The following UNC13A variants were observed in gnomAD, a reference collection of about 807,000 sequenced individuals.
UNC13A encodes the protein protein unc-13 homolog A.
UNC13A carries 61 observed loss-of-function variants against 219.7 expected under a neutral mutation model. That is an observed-to-expected ratio of 0.28 (90% confidence interval 0.23 to 0.34). The LOEUF is 0.34. Ranked by LOEUF, UNC13A falls within the 10% of genes least tolerant of loss-of-function variation. UNC13A has a pLI of 1.00. For synonymous variants in UNC13A, 920 were observed against 884.6 expected (o/e 1.04, Z -0.71); for missense variants, 1,476 against 2,270.3 (o/e 0.65, Z 7.11).
chr19:17,611,130 A>G (rs182589522), intron 42 of UNC13A, among the ~76,000 whole-genome samples: 31 of 152,362 alleles, frequency 2.0e-4, no homozygotes, highest in Admixed American at 3.3e-4. Flanking sequence ...CCTCCATATC[A>G]GCTCGAGGCT....
At position 17,630,667 on chromosome 19, in the gene UNC13A, TCTCG is replaced by T. The variant is rs2063549355; in HGVS notation, c.3508_3511del (p.Arg1170ThrfsTer48). 1 of 1,613,830 alleles carries T rather than the reference TCTCG, an allele frequency of 6.2e-7. No homozygotes were observed. Among genetic ancestry groups the T allele is most frequent in the Non-Finnish European group, 8.5e-7 (1 of 1,179,884 alleles). On this transcript the variant is annotated frameshift_variant, in exon 29 of 44. Transcript: ENST00000519716. LOFTEE classifies it high-confidence loss of function. ...GGGCCTTCTTACCCCATCCTTCTTG[TCTCG>T]CTCCAGGGCACCGTGCAGGAAATCC...
chr19:17,655,825 C>T (rs1568530213), intron 10 of UNC13A, 58 bp downstream of exon 10: 2 of 1,459,958 alleles, frequency 1.4e-6, no homozygotes, highest in African/African-American at 1.4e-5. Context: ...CCATCATAGC[C>T]CTGCTGACCC....
Position 17,656,291 on chromosome 19 carries a change from A to G in UNC13A, c.875T>C (p.Met292Thr), listed in dbSNP as rs2079452251. The part of the protein sequence containing the change: ...PDEHSLQGSD[M>T]EDERDRDSYH... ...GGAGTCCCGGTCCCGCTCATCCTCC[A>G]TGTCGGAGCCCTGCAGGCTGTGCTC... Residue 292 changes from methionine (M) to threonine (T), a missense_variant, in exon 10 of 44, where the codon ATG (methionine) becomes ACG (threonine). Physicochemically the swap from Met to Thr is moderately conservative, Grantham distance 81. Transcript: ENST00000519716. 6.4e-7 allele frequency: 1 copy of G among 1,552,752 alleles called. No individual in the cohort carries two copies. The highest frequency in any genetic ancestry group is 8.7e-7 in the Non-Finnish European group (1 of 1,147,880).
chr19:17,651,427 T>C (rs1210179570), intron 12 of UNC13A, among the ~76,000 whole-genome samples: 1 of 152,136 alleles, frequency 6.6e-6, no homozygotes, highest in Admixed American at 6.6e-5. Context: ...GATTTTGCCA[T>C]GTTGGCCAGG....
At chr19:17,672,759 C>T (rs532663051) in intron 3 of UNC13A, among the ~76,000 whole-genome samples, 25 of 152,274 alleles carry the variant, frequency 1.6e-4, no homozygotes, top group Middle Eastern at 3.4e-3. Flanking sequence ...TGTTACACAT[C>T]GCCTGCACCT....
chr19:17,685,127 T>C (rs1335088771), intron 1 of UNC13A, among the ~76,000 whole-genome samples: 1 of 152,148 alleles, frequency 6.6e-6, no homozygotes, highest in Non-Finnish European at 1.5e-5. Context: ...TGAATATATA[T>C]GTGCTTCATG....
intron 1 of UNC13A, among the ~76,000 whole-genome samples, chr19:17,687,455 G>A (rs2145944996): frequency 6.6e-6 from 1 of 152,224 alleles, no homozygotes; most frequent in African/African-American, 2.4e-5. Context: ...AACCGGAGGG[G>A]GCAGGGAGCG....
rs558467632 is a variant in UNC13A, at chr19:17,616,493, G to A, written c.4558+1209C>T. ...ATTGGGGGTGGGGGTGGAAGGGGGA[G>A]AGAGGTGGGAAGCATGGGGAGCGGG... is the stretch of plus-strand genomic sequence containing the variant. On this transcript the variant is annotated intron_variant, in intron 41 of 43. Transcript: ENST00000519716. 3.0e-3 allele frequency: 1,946 copies of A among 656,140 alleles called. 3 individuals are homozygous for A. Among genetic ancestry groups the A allele is most frequent in the Non-Finnish European group, 4.6e-3 (1,660 of 357,592 alleles). 40.6% of individuals were successfully genotyped at this position (656,140 alleles called of 1,614,324 possible). A position where few individuals can be genotyped will look rare whatever the true frequency, so the allele number is the denominator to read the frequency against.
In UNC13A at chr19:17,656,400, T is replaced by C; in HGVS notation, c.768-2A>G. On this transcript the variant is annotated splice_acceptor_variant, in intron 9 of 43. Transcript: ENST00000519716. LOFTEE classifies it high-confidence loss of function. ...GCATAGCGGCTGCTACCCGTGGGGC[T>C]GTGGGGATGGAACAGGGTTCAGGGA... is the stretch of plus-strand genomic sequence containing the variant. The C allele has an allele frequency of 6.6e-7, 1 of 1,517,080 alleles. No individual in the cohort carries two copies. Among genetic ancestry groups the C allele is most frequent in the Non-Finnish European group, 8.8e-7 (1 of 1,134,712 alleles). The allele number at this position is 1,517,080 out of a possible 1,614,324, so 94.0% of individuals were successfully genotyped here.
At chr19:17,641,025 C>T (rs2145042214) in intron 21 of UNC13A, among the ~76,000 whole-genome samples, 1 of 151,956 alleles carries the variant, frequency 6.6e-6, no homozygotes, top group Non-Finnish European at 1.5e-5. Context: ...ATTACAGGCC[C>T]AAGCCACCAC....
intron 12 of UNC13A, among the ~76,000 whole-genome samples, chr19:17,650,124 G>A (rs755581982): frequency 2.6e-5 from 4 of 152,088 alleles, no homozygotes; most frequent in Non-Finnish European, 4.4e-5. Context: ...GGAGACACCC[G>A]GCCTCACCCT....
chr19:17,664,641 G>T (rs576303902), intron 7 of UNC13A, among the ~76,000 whole-genome samples: 13 of 152,078 alleles, frequency 8.5e-5, no homozygotes, highest in Admixed American at 2.6e-4. Flanking sequence ...GCCTGGCCCC[G>T]CCCCCATTGC....
intron 31 of UNC13A, 26 bp downstream of exon 31, chr19:17,629,214 A>G: frequency 6.3e-7 from 1 of 1,581,144 alleles, no homozygotes; most frequent in Non-Finnish European, 8.6e-7. Context: ...GAGGAGGGAG[A>G]TAGGTCAGGG....
intron 10 of UNC13A, 147 bp downstream of exon 10, chr19:17,655,736 T>C (rs2079437632): frequency 7.1e-7 from 1 of 1,413,102 alleles, no homozygotes; most frequent in African/African-American, 1.4e-5. Context: ...TACTCTGCCC[T>C]GTCACCTCTG....
At chr19:17,653,420 T>C (rs2079389380) in intron 11 of UNC13A, among the ~76,000 whole-genome samples, 1 of 151,824 alleles carries the variant, frequency 6.6e-6, no homozygotes, top group African/African-American at 2.4e-5. Context: ...CAATCTCAGC[T>C]CACTGCAACC....
rs761512928 is a variant in UNC13A, at chr19:17,672,371, C to T, written c.270+7G>A. 4 of 1,613,140 alleles carry T rather than the reference C, an allele frequency of 2.5e-6. No homozygotes were observed. The East Asian group carries it at 6.7e-5, about 27-fold the overall frequency. ...CCTTCTTCACCCTCAGGCCACCCGC[C>T]ACTCACCTCATTGGACTGGCGGATG... On this transcript the variant is annotated splice_region_variant and intron_variant, in intron 4 of 43. Coordinates refer to ENST00000519716, the MANE Select transcript of UNC13A (RefSeq NM_001080421.3).
At chr19:17,687,529 G>T (rs893384936) in intron 1 of UNC13A, among the ~76,000 whole-genome samples, 7 of 152,030 alleles carry the variant, frequency 4.6e-5, no homozygotes, top group African/African-American at 1.7e-4. Flanking sequence ...AACTGGAAAA[G>T]CGCCCCCAGA....
rs770973163 is a variant in UNC13A, at chr19:17,610,013, C to T, written c.4738G>A (p.Asp1580Asn). 6.2e-7 allele frequency: 1 copy of T among 1,613,916 alleles called. No homozygotes were observed. The highest frequency in any genetic ancestry group is 1.3e-5 in the African/African-American group (1 of 74,936). The change falls in exon 43 of 44, where the codon GAC becomes AAC. Residue 1580 changes from aspartate to asparagine, a missense_variant. Physicochemically the swap from Asp to Asn is conservative, Grantham distance 23 (BLOSUM62 1). Transcript: ENST00000519716. Reference protein sequence around the residue: ...EVNIIGPQLSDKKRKFATKSK... With the variant: ...EVNIIGPQLSNKKRKFATKSK... ...TTGGTCGCAAACTTGCGTTTCTTGT[C>T]GCTGAGCTGGGGCCCAATGATGTTG...
chr19:17,639,825 G>A lies in UNC13A; in HGVS notation c.2856+15C>T. The A allele has an allele frequency of 1.9e-6, 3 of 1,613,596 alleles. No individual in the cohort carries two copies. Among genetic ancestry groups the A allele is most frequent in the Non-Finnish European group, 2.5e-6 (3 of 1,179,716 alleles). On this transcript the variant is annotated intron_variant, in intron 23 of 43. Coordinates refer to ENST00000519716, the MANE Select transcript of UNC13A (RefSeq NM_001080421.3). ...GTGCGTGGGGTGAGCAAATTCTCAT[G>A]CACACACTTCCTACCCGGTACATGG... is the stretch of plus-strand genomic sequence containing the variant.
Sources: allele counts gnomAD v4.1 joint callset (sites outside exome capture counted in the v4.1 genomes callset), GRCh38; gene constraint gnomAD v4.1.1; transcripts MANE v1.5; gene names NCBI Gene and HGNC (gene_info 2026-07-23, HGNC 2026-07-21).